The following PTPRT variants were observed in gnomAD, a reference collection of about 807,000 sequenced individuals.
PTPRT encodes protein tyrosine phosphatase receptor type T.
In PTPRT, 56 loss-of-function variants were observed where a neutral mutation model predicts 176.8. The ratio of observed to expected loss-of-function variants is 0.32; its 90% CI spans 0.26 to 0.40. The LOEUF is 0.40. PTPRT is among the 10% of genes least tolerant of loss of function. The pLI, the probability that PTPRT is intolerant of heterozygous loss-of-function variation, is 1.00. For synonymous variants in PTPRT, 783 were observed against 739.0 expected (o/e 1.06, Z -0.96); for missense variants, 1,540 against 1,908.2 (o/e 0.81, Z 3.60).
At chr20:42,356,668 C>A (rs2058362457) in intron 9 of PTPRT, among the ~76,000 whole-genome samples, 1 of 152,118 alleles carries the variant, frequency 6.6e-6, no homozygotes, top group African/African-American at 2.4e-5. Flanking sequence ...TGCACTCCAA[C>A]CTGGTCAACA....
chr20:42,780,993 T>G (rs1389906523), intron 3 of PTPRT, among the ~76,000 whole-genome samples: 1 of 152,102 alleles, frequency 6.6e-6, no homozygotes, highest in East Asian at 1.9e-4. Context: ...ATGGCCTTCT[T>G]CAATCCACTT....
At chr20:42,196,248 C>T (rs1016297112) in intron 16 of PTPRT, among the ~76,000 whole-genome samples, 1 of 152,196 alleles carries the variant, frequency 6.6e-6, no homozygotes, top group African/African-American at 2.4e-5. Context: ...TGCAAATGAA[C>T]TTCTCTGCCC....
At chr20:42,997,222 G>A (rs755133027) in intron 1 of PTPRT, among the ~76,000 whole-genome samples, 6 of 146,112 alleles carry the variant, frequency 4.1e-5, no homozygotes, top group South Asian at 2.1e-4. Context: ...CCATTAACAC[G>A]GGCAGGCTCA....
At chr20:42,069,076 C>T (rs1185536033), downstream of PTPRT, among the ~76,000 whole-genome samples, 2 of 152,224 alleles carry the variant, frequency 1.3e-5, no homozygotes, top group Admixed American at 1.3e-4. Context: ...GCCTCCAGCT[C>T]ATGGACACTC....
intron 6 of PTPRT, among the ~76,000 whole-genome samples, chr20:42,706,424 G>A (rs915700986): frequency 4.6e-5 from 7 of 151,094 alleles, no homozygotes; most frequent in African/African-American, 1.7e-4. Context: ...TTTTTTGCTG[G>A]GCCTTGATTA....
In PTPRT at chr20:42,616,997, G is replaced by T. The variant is rs1291357327; in HGVS notation, c.1153+60869C>A. On this transcript the variant is annotated intron_variant, in intron 7 of 30. Transcript: ENST00000373187. The stretch of plus-strand genomic sequence containing the variant: ...TATGTTGAATAGGAGTGGTGAGAGA[G>T]GGCATCCCTGTCTTGTGCCAGTTTT... Among the ~76,000 whole-genome samples, 4 of 134,994 alleles carry T rather than the reference G, an allele frequency of 3.0e-5. No individual in the cohort carries two copies. The East Asian group carries it at 6.0e-4, about 20-fold the overall frequency. The allele number at this position is 134,994 out of a possible 152,430, so 88.6% of individuals were successfully genotyped here. A position where few individuals can be genotyped will look rare whatever the true frequency, so the allele number is the denominator to read the frequency against.
intron 22 of PTPRT, among the ~76,000 whole-genome samples, chr20:42,113,546 GA>G (rs1285586728): frequency 2.6e-5 from 4 of 152,196 alleles, no homozygotes; most frequent in African/African-American, 9.6e-5. Flanking sequence ...CAGACTGACT[GA>G]CGTGGGAGCA....
chr20:42,226,459 T>A (rs531111043), intron 15 of PTPRT, among the ~76,000 whole-genome samples: 3 of 152,302 alleles, frequency 2.0e-5, no homozygotes, highest in Admixed American at 1.3e-4. Flanking sequence ...AGGTAATAAG[T>A]GGGAAAGCAC....
At chr20:42,549,362 C>T (rs2072729298) in intron 7 of PTPRT, among the ~76,000 whole-genome samples, 1 of 152,024 alleles carries the variant, frequency 6.6e-6, no homozygotes, top group Non-Finnish European at 1.5e-5. Flanking sequence ...GTTTAAAATA[C>T]TCAGATTAAC....
chr20:42,826,474 T>C (rs901157202), intron 2 of PTPRT, among the ~76,000 whole-genome samples: 5 of 152,210 alleles, frequency 3.3e-5, no homozygotes, highest in African/African-American at 1.2e-4. Flanking sequence ...ATGATGACTA[T>C]TTGAGTTAAA....
At chr20:42,903,732 C>A (rs181210024) in intron 1 of PTPRT, among the ~76,000 whole-genome samples, 3 of 152,240 alleles carry the variant, frequency 2.0e-5, no homozygotes, top group East Asian at 3.9e-4. Context: ...CTCAACTAAG[C>A]TAAAGCTGAA....
Position 42,358,379 on chromosome 20 carries a change from A to G in PTPRT, c.1561-6094T>C, listed in dbSNP as rs143513729. On this transcript the variant is annotated intron_variant, in intron 9 of 30. Transcript: ENST00000373187. The stretch of plus-strand genomic sequence containing the variant: ...CTCTTGACTAGGTGCTTGGCCATGT[A>G]CTAAGCTCTAGAGAATCCTCAGGAA... 3.0e-3 allele frequency among the ~76,000 whole-genome samples: 458 copies of G among 152,322 alleles called. 3 individuals are homozygous for G. The highest frequency in any genetic ancestry group is 0.024 in the Middle Eastern group (7 of 294).
intron 7 of PTPRT, among the ~76,000 whole-genome samples, chr20:42,599,737 T>C (rs62203817): frequency 0.024 from 3,729 of 152,254 alleles, 59 homozygotes; most frequent in Middle Eastern, 0.078. Context: ...AAAGAGCATG[T>C]ACAATGGGGA....
chr20:42,455,371 T>G (rs868800561), intron 8 of PTPRT, among the ~76,000 whole-genome samples: 1 of 152,180 alleles, frequency 6.6e-6, no homozygotes, highest in African/African-American at 2.4e-5. Flanking sequence ...GTATTGACTT[T>G]CTTCCCTTTC....
chr20:42,980,580 T>A (rs1351505802), intron 1 of PTPRT, among the ~76,000 whole-genome samples: 2 of 152,338 alleles, frequency 1.3e-5, no homozygotes, highest in Non-Finnish European at 2.9e-5. Flanking sequence ...GGTGACAGAC[T>A]TCCCCCCACC....
chr20:42,177,977 G>A (rs112279546), intron 16 of PTPRT, among the ~76,000 whole-genome samples: 2,171 of 146,662 alleles, frequency 0.015, 46 homozygotes, highest in African/African-American at 0.053. Context: ...TAGCTCTTTC[G>A]CCCAGGCTAG....
chr20:42,684,262 T>C (rs2075653870), intron 6 of PTPRT, among the ~76,000 whole-genome samples: 1 of 151,956 alleles, frequency 6.6e-6, no homozygotes, highest in Non-Finnish European at 1.5e-5. Context: ...GGAGAATCGC[T>C]TGGACCTGGG....
intron 1 of PTPRT, among the ~76,000 whole-genome samples, chr20:42,889,380 G>A (rs939094486): frequency 1.3e-5 from 2 of 152,354 alleles, no homozygotes; most frequent in African/African-American, 2.4e-5. Flanking sequence ...TGCCTCTGCA[G>A]AAGAACTCAC....
In PTPRT at chr20:42,102,385, T is replaced by A. The variant is rs1306853196; in HGVS notation, c.3541-88A>T. The A allele has an allele frequency of 9.2e-6, 13 of 1,405,864 alleles. No homozygotes were observed. The Admixed American group carries it at 2.3e-4, about 25-fold the overall frequency. 87.1% of individuals were successfully genotyped at this position (1,405,864 alleles called of 1,614,324 possible). A position where few individuals can be genotyped will look rare whatever the true frequency, so the allele number is the denominator to read the frequency against. On this transcript the variant is annotated intron_variant, in intron 25 of 30. Coordinates refer to ENST00000373187, the MANE Select transcript of PTPRT (RefSeq NM_007050.6). Reference sequence around the variant, plus strand: ...CAGTAATGTTCCAACTCAGCCTAACTCGCCTATTTCCACCCTCTAAGCGCA... The same window carrying A: ...CAGTAATGTTCCAACTCAGCCTAACACGCCTATTTCCACCCTCTAAGCGCA...
Sources: gnomAD v4.1 joint callset for allele counts (sites outside exome capture counted in the v4.1 genomes callset) on GRCh38, gnomAD v4.1.1 for gene constraint, MANE v1.5 for transcripts, NCBI Gene and HGNC (gene_info 2026-07-23, HGNC 2026-07-21) for gene names.